The following PCBD1 variants were observed in gnomAD, a reference collection of about 807,000 sequenced individuals.
The protein encoded by PCBD1 is pterin-4-alpha-carbinolamine dehydratase.
Under a neutral mutation model 12.6 loss-of-function variants are expected in PCBD1, and 16 were observed. The ratio of observed to expected loss-of-function variants is 1.27; its 90% CI spans 0.86 to 1.93. The LOEUF (loss-of-function observed/expected upper bound fraction) is 1.93, where lower values mean the gene tolerates loss of function less well. Among genes scored for constraint, PCBD1 ranks in the 30% most tolerant of loss-of-function variants. The pLI, the probability that PCBD1 is intolerant of heterozygous loss-of-function variation, is 0.00. For missense variants in PCBD1, 86 were observed against 130.1 expected, an observed-to-expected ratio of 0.66 and a Z score of 1.65; for synonymous variants, 53 against 50.2, an observed-to-expected ratio of 1.05 and a Z score of -0.23.
rs1846530375 is a variant in PCBD1, at chr10:70,883,559, A to T, written c.*391T>A. 1 of 1,138,086 alleles carries T rather than the reference A, an allele frequency of 8.8e-7. No individual in the cohort carries two copies. Among genetic ancestry groups the T allele is most frequent in the African/African-American group, 1.6e-5 (1 of 62,402 alleles). 70.5% of individuals were successfully genotyped at this position (1,138,086 alleles called of 1,614,324 possible). A position where few individuals can be genotyped will look rare whatever the true frequency, so the allele number is the denominator to read the frequency against. ...GAGACATAAAAACACATGTGTTTCT[A>T]TTACATAGTGTGGGGTTTAGGGTCC... On this transcript the variant is annotated 3_prime_UTR_variant, in exon 4 of 4. Transcript: ENST00000299299.
chr10:70,883,697 A>C lies in PCBD1; in HGVS notation c.*253T>G. On this transcript the variant is annotated 3_prime_UTR_variant, in exon 4 of 4. Coordinates refer to ENST00000299299, the MANE Select transcript of PCBD1 (RefSeq NM_000281.4). ...TCATTATTGTTGCTGGGAAGTTGCA[A>C]AGAAAGGGGAGAGTTTATTCAAATT... is the stretch of plus-strand genomic sequence containing the variant. 1 of 1,358,248 alleles carries C rather than the reference A, an allele frequency of 7.4e-7. No homozygotes were observed. Among genetic ancestry groups the C allele is most frequent in the Non-Finnish European group, 9.5e-7 (1 of 1,051,510 alleles). The allele number at this position is 1,358,248 out of a possible 1,614,324, so 84.1% of individuals were successfully genotyped here.
At position 70,883,523 on chromosome 10, in the gene PCBD1, T is replaced by C. The variant is rs1269613716; in HGVS notation, c.*427A>G. ...TAGAGCCTGAGACCAAGTGATATAA[T>C]AGTTTTATTTGAGACATAAAAACAC... On this transcript the variant is annotated 3_prime_UTR_variant, in exon 4 of 4. Coordinates refer to ENST00000299299, the MANE Select transcript of PCBD1 (RefSeq NM_000281.4). 3 of 1,092,280 alleles carry C rather than the reference T, an allele frequency of 2.7e-6. No individual in the cohort carries two copies. The highest frequency in any genetic ancestry group is 1.6e-5 in the African/African-American group (1 of 61,180). 67.7% of individuals were successfully genotyped at this position (1,092,280 alleles called of 1,614,324 possible).
Position 70,884,050 on chromosome 10 carries a change from T to C in PCBD1, c.217-2A>G. The C allele has an allele frequency of 6.2e-7, 1 of 1,613,630 alleles. No individual in the cohort carries two copies. Among genetic ancestry groups the C allele is most frequent in the Non-Finnish European group, 8.5e-7 (1 of 1,179,846 alleles). On this transcript the variant is annotated splice_acceptor_variant, in intron 3 of 3. Coordinates refer to ENST00000299299, the MANE Select transcript of PCBD1 (RefSeq NM_000281.4). LOFTEE classifies it high-confidence loss of function. ...ATGGGTGCTCAGCGTGATGTGGACC[T>C]GAAATGAAACCAGAAATTCTGCTTC...
Position 70,883,643 on chromosome 10 carries a change from A to G in PCBD1, c.*307T>C. 1 of 1,262,750 alleles carries G rather than the reference A, an allele frequency of 7.9e-7. No homozygotes were observed. Among genetic ancestry groups the G allele is most frequent in the Non-Finnish European group, 1.0e-6 (1 of 991,172 alleles). 78.2% of individuals were successfully genotyped at this position (1,262,750 alleles called of 1,614,324 possible). On this transcript the variant is annotated 3_prime_UTR_variant, in exon 4 of 4. Coordinates refer to ENST00000299299, the MANE Select transcript of PCBD1 (RefSeq NM_000281.4). The stretch of plus-strand genomic sequence containing the variant: ...ATCACAGCTTCCTGGGAAATGAATT[A>G]GGGAGCAAGAGACGGCCTGGCAAGA...
At chr10:70,883,309 GTTAA>G (rs1253811964), downstream of PCBD1, among the ~76,000 whole-genome samples, 1 of 152,200 alleles carries the variant, frequency 6.6e-6, no homozygotes, top group Non-Finnish European at 1.5e-5. Flanking sequence ...ATTGGTAATA[GTTAA>G]TTGTGTTCCT....
At chr10:70,887,604 T>C (rs1157473242) in intron 1 of PCBD1, among the ~76,000 whole-genome samples, 2 of 151,892 alleles carry the variant, frequency 1.3e-5, no homozygotes, top group Admixed American at 1.3e-4. Flanking sequence ...GAGGCTTCCC[T>C]TTCTCGGTAG....
chr10:70,886,409 G>A (rs1011292228), intron 1 of PCBD1, among the ~76,000 whole-genome samples: 4 of 152,060 alleles, frequency 2.6e-5, no homozygotes, highest in Non-Finnish European at 4.4e-5. Context: ...TGCACCCCAC[G>A]TCCCTACCGT....
At chr10:70,887,253 A>G (rs1018546767) in intron 1 of PCBD1, among the ~76,000 whole-genome samples, 1 of 151,598 alleles carries the variant, frequency 6.6e-6, no homozygotes, top group Non-Finnish European at 1.5e-5. Flanking sequence ...CAGGCTTGTG[A>G]TGGGCCTGGT....
intron 1 of PCBD1, chr10:70,887,937 C>T (rs1170139337): frequency 6.6e-6 from 1 of 152,212 alleles, no homozygotes; most frequent in East Asian, 1.9e-4. Context: ...CCGCCCCCGC[C>T]CCGGGGGTGG....
rs1252964638 is a variant in PCBD1 at position 70,883,892 on chromosome 10, T to C, written c.*58A>G. ...GGTAAGGGCTCCTCAGCTCCCTCCC[T>C]GGACTCCCAGTTCAGTCACCCCTTC... On this transcript the variant is annotated 3_prime_UTR_variant, in exon 4 of 4. Coordinates refer to ENST00000299299, the MANE Select transcript of PCBD1 (RefSeq NM_000281.4). 5 of 1,578,522 alleles carry C rather than the reference T, an allele frequency of 3.2e-6. No homozygotes were observed. Among genetic ancestry groups the C allele is most frequent in the Non-Finnish European group, 4.3e-6 (5 of 1,160,728 alleles).
At position 70,883,763 on chromosome 10, in the gene PCBD1, A is replaced by T. The variant is rs1036226947; in HGVS notation, c.*187T>A. On this transcript the variant is annotated 3_prime_UTR_variant, in exon 4 of 4. Transcript: ENST00000299299. ...CCAGGATGAAGAGAGTGGTGCAGGG[A>T]AAAGGTCTAAATTCCTGGTGTTGGT... is the stretch of plus-strand genomic sequence containing the variant. 17 of 1,480,082 alleles carry T rather than the reference A, an allele frequency of 1.1e-5. No individual in the cohort carries two copies. In the South Asian group the frequency reaches 2.2e-4, roughly 19 times the overall value. 91.7% of individuals were successfully genotyped at this position (1,480,082 alleles called of 1,614,324 possible).
In PCBD1 at chr10:70,883,899, C is replaced by A. The variant is rs767282995; in HGVS notation, c.*51G>T. 9 of 1,586,310 alleles carry A rather than the reference C, an allele frequency of 5.7e-6. No individual in the cohort carries two copies. Among genetic ancestry groups the A allele is most frequent in the East Asian group, 2.3e-5 (1 of 44,066 alleles). On this transcript the variant is annotated 3_prime_UTR_variant, in exon 4 of 4. Coordinates refer to ENST00000299299, the MANE Select transcript of PCBD1 (RefSeq NM_000281.4). ...GCTCCTCAGCTCCCTCCCTGGACTCCCAGTTCAGTCACCCCTTCCCCCGGA... is the reference window on the plus strand; with the variant it reads ...GCTCCTCAGCTCCCTCCCTGGACTCACAGTTCAGTCACCCCTTCCCCCGGA...
intron 3 of PCBD1, among the ~76,000 whole-genome samples, chr10:70,884,380 A>G (rs1381885381): frequency 1.3e-5 from 2 of 152,230 alleles, no homozygotes; most frequent in Non-Finnish European, 2.9e-5. Context: ...TACTGTTTTT[A>G]TAAACAGAGA....
At chr10:70,886,822 T>G (rs1846592027) in intron 1 of PCBD1, among the ~76,000 whole-genome samples, 1 of 152,124 alleles carries the variant, frequency 6.6e-6, no homozygotes, top group South Asian at 2.1e-4. Flanking sequence ...GCAGCCCAAA[T>G]TGGCACAATT....
chr10:70,882,986 T>G (rs529834447), downstream of PCBD1, among the ~76,000 whole-genome samples: 16 of 152,326 alleles, frequency 1.1e-4, no homozygotes, highest in Admixed American at 2.6e-4. Context: ...TTCAAAAAGT[T>G]TCAGATTTTG....
intron 3 of PCBD1, 108 bp downstream of exon 3, chr10:70,885,044 T>C (rs762918585): frequency 1.2e-6 from 1 of 866,044 alleles, no homozygotes; most frequent in East Asian, 2.4e-5. Flanking sequence ...GTGGATGACC[T>C]ATGGGTCAGG....
intron 1 of PCBD1, 45 bp downstream of exon 1, chr10:70,888,486 C>A: frequency 3.4e-6 from 5 of 1,456,616 alleles, no homozygotes; most frequent in Non-Finnish European, 4.5e-6. Flanking sequence ...CCGCGGCTGC[C>A]CCGGCCCCGC....
chr10:70,885,093 C>A lies in PCBD1; in HGVS notation c.216+59G>T. 2.2e-6 allele frequency: 3 copies of A among 1,390,124 alleles called. No individual in the cohort carries two copies. The South Asian group carries it at 3.5e-5, about 16-fold the overall frequency. The allele number at this position is 1,390,124 out of a possible 1,614,324, so 86.1% of individuals were successfully genotyped here. On this transcript the variant is annotated intron_variant, in intron 3 of 3. Transcript: ENST00000299299. ...AAGTCCAAAAGCCTTCAGAATGTGT[C>A]AGAGTTCGCAGTATTTGGATGGGGG... is the stretch of plus-strand genomic sequence containing the variant.
At chr10:70,882,463 C>T (rs1846513597), downstream of PCBD1, 1 of 152,224 alleles carries the variant, frequency 6.6e-6, no homozygotes, top group Non-Finnish European at 1.5e-5. Flanking sequence ...TTGTTGCACA[C>T]CGGAGGCTTG....
Sources: gnomAD v4.1 joint callset for allele counts (sites outside exome capture counted in the v4.1 genomes callset) on GRCh38, gnomAD v4.1.1 for gene constraint, MANE v1.5 for transcripts, NCBI Gene and HGNC (gene_info 2026-07-23, HGNC 2026-07-21) for gene names.